The following RPS6KB1 variants were observed in gnomAD, a reference collection of about 807,000 sequenced individuals.
RPS6KB1 encodes ribosomal protein S6 kinase B1.
RPS6KB1 carries 12 observed loss-of-function variants against 70.2 expected under a neutral mutation model. The ratio of observed to expected loss-of-function variants is 0.17; its 90% CI spans 0.11 to 0.28. RPS6KB1 has a LOEUF of 0.28. RPS6KB1 is among the 10% of genes least tolerant of loss of function. The pLI is 1.00. For missense variants in RPS6KB1, 270 were observed against 646.6 expected (o/e 0.42, Z 6.32); for synonymous variants, 175 against 211.2 (o/e 0.83, Z 1.49).
intron 5 of RPS6KB1, among the ~76,000 whole-genome samples, chr17:59,928,873 TATTAG>T (rs1016714632): frequency 1.3e-5 from 2 of 152,188 alleles, no homozygotes; most frequent in Admixed American, 6.5e-5. Flanking sequence ...GTTTCCTTAG[TATTAG>T]ATTCAGGTTA....
At chr17:59,925,198 A>G (rs974152911) in intron 4 of RPS6KB1, among the ~76,000 whole-genome samples, 1 of 152,022 alleles carries the variant, frequency 6.6e-6, no homozygotes, top group African/African-American at 2.4e-5. Context: ...CCAATATCCT[A>G]TGTCTGAGCA....
chr17:59,900,795 T>C (rs1205275682), intron 1 of RPS6KB1, among the ~76,000 whole-genome samples: 1 of 152,204 alleles, frequency 6.6e-6, no homozygotes, highest in Non-Finnish European at 1.5e-5. Flanking sequence ...TGTTGTTTTT[T>C]GTTTATACAA....
intron 1 of RPS6KB1, among the ~76,000 whole-genome samples, chr17:59,897,810 C>G (rs1030138493): frequency 1.3e-5 from 2 of 151,940 alleles, no homozygotes; most frequent in Non-Finnish European, 1.5e-5. Flanking sequence ...ACTAAAAATA[C>G]AAAAATTAGC....
At chr17:59,905,290 T>C (rs538461465) in intron 1 of RPS6KB1, among the ~76,000 whole-genome samples, 2 of 151,650 alleles carry the variant, frequency 1.3e-5, no homozygotes, top group East Asian at 3.9e-4. Flanking sequence ...TTACAAGCAT[T>C]AGCCGCTGTG....
Position 59,893,293 on chromosome 17 carries a change from G to A in RPS6KB1, c.109G>A (p.Asp37Asn), listed in dbSNP as rs142855919. 925 of 1,611,826 alleles carry A rather than the reference G, an allele frequency of 5.7e-4. 1 individual carries two copies. The highest frequency in any genetic ancestry group is 6.8e-4 in the Non-Finnish European group (797 of 1,179,172). ...VFDIDLDQPEDAGSEDELEEG... is the reference protein window; with the variant it reads ...VFDIDLDQPENAGSEDELEEG... The stretch of plus-strand genomic sequence containing the variant: ...TGACATAGACCTGGACCAGCCAGAG[G>A]ACGCGGGCTCTGAGGATGAGCTGGA... Residue 37 changes from aspartate (D) to asparagine (N), a missense_variant, in exon 1 of 15, where the codon GAC becomes AAC. Asp to Asn is a conservative substitution (Grantham distance 23). This residue lies in a region of RPS6KB1 where 72 missense variants were observed against 93.4 expected (regional missense o/e 0.77). Transcript: ENST00000225577. The surrounding 1 kb of genome is among the most constrained non-coding windows in gnomAD (Gnocchi z 4.1).
At chr17:59,918,518 C>T (rs1480285332) in intron 4 of RPS6KB1, among the ~76,000 whole-genome samples, 3 of 151,540 alleles carry the variant, frequency 2.0e-5, no homozygotes, top group African/African-American at 2.4e-5. Flanking sequence ...TACAGGTGCC[C>T]GCTACCACAC....
At chr17:59,904,589 T>G (rs2144721553) in intron 1 of RPS6KB1, among the ~76,000 whole-genome samples, 1 of 151,908 alleles carries the variant, frequency 6.6e-6, no homozygotes, top group Admixed American at 6.6e-5. Flanking sequence ...AGATTGGGTT[T>G]TGCCATGTTG....
At position 59,914,666 on chromosome 17, in the gene RPS6KB1, A is replaced by G; in HGVS notation, c.344A>G (p.Asn115Ser). The change falls in exon 4 of 15, where the codon AAT (asparagine) becomes AGT (serine). Residue 115 changes from asparagine to serine, a missense_variant. This residue lies in a region of RPS6KB1 where 44 missense variants were observed against 102.5 expected (regional missense o/e 0.43). Transcript: ENST00000225577. Reference sequence around the variant, plus strand: ...CAAGTACGAAAAGTAACAGGAGCAAATACTGGGAAAATATTTGCCATGAAG... The same window carrying G: ...CAAGTACGAAAAGTAACAGGAGCAAGTACTGGGAAAATATTTGCCATGAAG... ...VFQVRKVTGA[N>S]TGKIFAMKVL... The G allele has an allele frequency of 1.9e-6, 3 of 1,613,156 alleles. No homozygotes were observed. The highest frequency in any genetic ancestry group is 2.5e-6 in the Non-Finnish European group (3 of 1,179,836).
At chr17:59,899,968 C>T (rs2041809687) in intron 1 of RPS6KB1, among the ~76,000 whole-genome samples, 2 of 151,624 alleles carry the variant, frequency 1.3e-5, no homozygotes, top group African/African-American at 4.8e-5. Flanking sequence ...AGTTCGAGAC[C>T]AACCTGGCCA....
chr17:59,915,693 T>C (rs918276142), intron 4 of RPS6KB1, among the ~76,000 whole-genome samples: 7 of 149,198 alleles, frequency 4.7e-5, no homozygotes, highest in Non-Finnish European at 8.9e-5. Context: ...CTCGAACTCC[T>C]GACCTCAGGT....
chr17:59,922,603 GGTGTGATCTC>G (rs1412103214), intron 4 of RPS6KB1, among the ~76,000 whole-genome samples: 1 of 131,862 alleles, frequency 7.6e-6, no homozygotes, highest in Non-Finnish European at 1.5e-5. Flanking sequence ...GGAGTGCAGT[GGTGTGATCTC>G]AGCTCACTGC....
chr17:59,927,264 A>C (rs1745568806), intron 5 of RPS6KB1, among the ~76,000 whole-genome samples: 1 of 151,696 alleles, frequency 6.6e-6, no homozygotes, highest in Non-Finnish European at 1.5e-5. Context: ...TTGTATTTTT[A>C]GTAAAGATGG....
At chr17:59,925,888 C>T (rs2043577412) in intron 4 of RPS6KB1, among the ~76,000 whole-genome samples, 1 of 152,120 alleles carries the variant, frequency 6.6e-6, no homozygotes, top group African/African-American at 2.4e-5. Flanking sequence ...TCAAGCGATC[C>T]TCCTGCCTCT....
intron 1 of RPS6KB1, among the ~76,000 whole-genome samples, chr17:59,900,062 A>G (rs2144677108): frequency 6.6e-6 from 1 of 151,790 alleles, no homozygotes; most frequent in Non-Finnish European, 1.5e-5. Context: ...GGCACTAGTG[A>G]CTCCAGAGGC....
At position 59,947,840 on chromosome 17, in the gene RPS6KB1, G is replaced by A. The variant is rs907157350; in HGVS notation, c.*1052G>A. The stretch of plus-strand genomic sequence containing the variant: ...GGGATATCCAGGGGAAGAGGGTGTT[G>A]CTGTGGCCCACTCTCTGTCTAATCT... On this transcript the variant is annotated 3_prime_UTR_variant, in exon 15 of 15. Coordinates refer to ENST00000225577, the MANE Select transcript of RPS6KB1 (RefSeq NM_003161.4). 1 of 446,558 alleles carries A rather than the reference G, an allele frequency of 2.2e-6. No homozygotes were observed. The highest frequency in any genetic ancestry group is 2.0e-5 in the African/African-American group (1 of 49,308). The allele number at this position is 446,558 out of a possible 1,614,324, so 27.7% of individuals were successfully genotyped here.
chr17:59,911,314 T>C (rs575138648), intron 2 of RPS6KB1, among the ~76,000 whole-genome samples: 1 of 152,310 alleles, frequency 6.6e-6, no homozygotes, highest in Admixed American at 6.5e-5. Flanking sequence ...ATCACTCATG[T>C]AGAAAGCATT....
chr17:59,904,301 G>A (rs896292123), intron 1 of RPS6KB1, among the ~76,000 whole-genome samples: 7 of 149,224 alleles, frequency 4.7e-5, no homozygotes, highest in African/African-American at 1.5e-4. Flanking sequence ...GGCTGGTCTC[G>A]AACTCCTGAC....
At chr17:59,902,139 C>G (rs1450361383) in intron 1 of RPS6KB1, among the ~76,000 whole-genome samples, 7 of 113,030 alleles carry the variant, frequency 6.2e-5, no homozygotes, top group African/African-American at 2.2e-4. Context: ...GAGTCTCACT[C>G]TATCACCTAG....
At chr17:59,945,336 C>T in intron 13 of RPS6KB1, 70 bp from the exon 14 acceptor site, 2 of 798,662 alleles carry the variant, frequency 2.5e-6, no homozygotes, top group Middle Eastern at 3.5e-4. Context: ...GTATGTCAGA[C>T]TGAACAACCC....
Sources: gnomAD v4.1 joint callset for allele counts (sites outside exome capture counted in the v4.1 genomes callset) on GRCh38, gnomAD v4.1.1 for gene constraint, gnomAD v4.1.1 regional missense constraint, Gnocchi (gnomAD v3.1) non-coding constraint, MANE v1.5 for transcripts, NCBI Gene and HGNC (gene_info 2026-07-23, HGNC 2026-07-21) for gene names.